Variants in PTPRT observed in about 807,000 individuals in gnomAD.
PTPRT encodes protein tyrosine phosphatase receptor type T, also known as receptor-type tyrosine-protein phosphatase T.
PTPRT carries 56 observed loss-of-function variants against 176.8 expected under a neutral mutation model. The ratio of observed to expected loss-of-function variants is 0.32; its 90% CI spans 0.26 to 0.40. PTPRT has a LOEUF of 0.40. PTPRT is among the 10% of genes least tolerant of loss of function. The pLI is 1.00. For missense variants in PTPRT, 1,540 were observed against 1,908.2 expected (o/e 0.81, Z 3.60); for synonymous variants, 783 against 739.0 (o/e 1.06, Z -0.96).
chr20:42,225,221 T>C (rs1443995974), intron 15 of PTPRT, among the ~76,000 whole-genome samples: 2 of 152,178 alleles, frequency 1.3e-5, no homozygotes, highest in Non-Finnish European at 2.9e-5. Context: ...ACTTAACCTA[T>C]ATCTGCTAGT....
At chr20:42,270,361 T>C in intron 13 of PTPRT, 1 of 1,503,504 alleles carries the variant, frequency 6.7e-7, no homozygotes, top group Middle Eastern at 2.3e-4. Context: ...TGTGGGCAAC[T>C]CTCCCCTCCC....
Position 42,282,657 on chromosome 20 carries a change from GC to G in PTPRT, c.2140-133del, listed in dbSNP as rs139292103. On this transcript the variant is annotated intron_variant, in intron 12 of 30. Transcript: ENST00000373187. ...TATTTTTAATTATAATTTTAAATTT[GC>G]CCTTTCCATTTTTTTCCCCATCGGA... is the stretch of plus-strand genomic sequence containing the variant. The G allele has an allele frequency of 5.2e-3, 3,838 of 731,438 alleles. 121 individuals are homozygous for G. The African/African-American group carries it at 0.063, about 12-fold the overall frequency. 45.3% of individuals were successfully genotyped at this position (731,438 alleles called of 1,614,324 possible).
At chr20:42,739,079 A>C (rs2076573059) in intron 6 of PTPRT, among the ~76,000 whole-genome samples, 1 of 152,126 alleles carries the variant, frequency 6.6e-6, no homozygotes, top group Non-Finnish European at 1.5e-5. Context: ...ACAACAACAA[A>C]AACAAAATGG....
chr20:42,132,823 T>A (rs1332760965), intron 18 of PTPRT, among the ~76,000 whole-genome samples: 2 of 152,238 alleles, frequency 1.3e-5, no homozygotes, highest in African/African-American at 4.8e-5. Context: ...TCTTGGTATT[T>A]ACCCAAATGA....
intron 6 of PTPRT, among the ~76,000 whole-genome samples, chr20:42,718,186 C>T (rs2076253909): frequency 6.6e-6 from 1 of 152,214 alleles, no homozygotes; most frequent in South Asian, 2.1e-4. Context: ...ACTCAGATGT[C>T]TGTAAGCAGT....
At chr20:42,732,225 G>A (rs2076472453) in intron 6 of PTPRT, among the ~76,000 whole-genome samples, 1 of 152,114 alleles carries the variant, frequency 6.6e-6, no homozygotes, top group Non-Finnish European at 1.5e-5. Context: ...GTGTTTGATA[G>A]CCATAAGTGG....
At chr20:42,459,225 AATG>A (rs1157077102) in intron 8 of PTPRT, among the ~76,000 whole-genome samples, 1 of 152,154 alleles carries the variant, frequency 6.6e-6, no homozygotes, top group Non-Finnish European at 1.5e-5. Flanking sequence ...ATGTGAAGAG[AATG>A]ATAACTGAAT....
At chr20:42,831,867 C>CA (rs1325247846) in intron 2 of PTPRT, among the ~76,000 whole-genome samples, 1 of 151,992 alleles carries the variant, frequency 6.6e-6, no homozygotes, top group Non-Finnish European at 1.5e-5. Flanking sequence ...TATTAAAAGT[C>CA]AAAAAAATAA....
intron 17 of PTPRT, among the ~76,000 whole-genome samples, chr20:42,156,108 G>A (rs6030013): frequency 7.9e-5 from 12 of 152,252 alleles, no homozygotes; most frequent in African/African-American, 2.6e-4. Flanking sequence ...TGCCTGGAAC[G>A]CCCTTCCCTT....
At chr20:42,685,335 C>G (rs573953198) in intron 6 of PTPRT, 14 of 152,234 alleles carry the variant, frequency 9.2e-5, no homozygotes, top group African/African-American at 2.9e-4. Context: ...ATCATGACCT[C>G]TAGCATAGGG....
the PTPRT span, among the ~76,000 whole-genome samples, chr20:42,050,618 T>C: frequency 6.6e-6 from 1 of 152,222 alleles, no homozygotes; most frequent in African/African-American, 2.4e-5. Flanking sequence ...AGCAGCCTGG[T>C]GAATATTCCT....
chr20:42,876,284 A>C (rs990498167), intron 2 of PTPRT, among the ~76,000 whole-genome samples: 1 of 152,226 alleles, frequency 6.6e-6, no homozygotes, highest in African/African-American at 2.4e-5. Flanking sequence ...CAATAATAAT[A>C]TCAGGTGTGA....
intron 1 of PTPRT, among the ~76,000 whole-genome samples, chr20:42,919,849 T>C (rs949395643): frequency 2.6e-5 from 4 of 152,208 alleles, no homozygotes; most frequent in Admixed American, 6.5e-5. Context: ...GTAGTGTGCA[T>C]GAGATTTATT....
At chr20:42,432,797 C>T (rs1471853372) in intron 9 of PTPRT, among the ~76,000 whole-genome samples, 1 of 152,166 alleles carries the variant, frequency 6.6e-6, no homozygotes, top group Admixed American at 6.5e-5. Context: ...CATATAAGCC[C>T]TCACTTCAGG....
At chr20:42,176,529 C>G (rs1250405472) in intron 16 of PTPRT, among the ~76,000 whole-genome samples, 2 of 152,030 alleles carry the variant, frequency 1.3e-5, no homozygotes, top group Non-Finnish European at 2.9e-5. Flanking sequence ...AACAACTGGC[C>G]CAGAATTTTG....
intron 18 of PTPRT, among the ~76,000 whole-genome samples, chr20:42,130,458 C>A (rs561218001): frequency 6.6e-6 from 1 of 152,294 alleles, no homozygotes; most frequent in South Asian, 2.1e-4. Flanking sequence ...TTCTCCCTTT[C>A]TCCTTCTCTC....
chr20:42,589,703 C>T (rs967371584), intron 7 of PTPRT, among the ~76,000 whole-genome samples: 1 of 152,146 alleles, frequency 6.6e-6, no homozygotes, highest in African/African-American at 2.4e-5. Context: ...CGACTTCACA[C>T]CCAGCTAGGC....
In PTPRT at chr20:42,080,823, A is replaced by G; in HGVS notation, c.*56T>C. On this transcript the variant is annotated 3_prime_UTR_variant, in exon 31 of 31. Coordinates refer to ENST00000373187, the MANE Select transcript of PTPRT (RefSeq NM_007050.6). The stretch of plus-strand genomic sequence containing the variant: ...AGCCCAGTTACTGCCATTCACACAA[A>G]AGGGGGCTTGGTCACAGCAGCCTCT... The G allele has an allele frequency of 6.5e-7, 1 of 1,535,478 alleles. No homozygotes were observed.
At chr20:43,090,473 T>A (rs1320842460) in intron 1 of PTPRT, among the ~76,000 whole-genome samples, 1 of 152,144 alleles carries the variant, frequency 6.6e-6, no homozygotes, top group Non-Finnish European at 1.5e-5. Flanking sequence ...TTTCACCGTT[T>A]TAGCCAGGAT....
Sources: gnomAD v4.1 joint callset for allele counts (sites outside exome capture counted in the v4.1 genomes callset) on GRCh38, gnomAD v4.1.1 for gene constraint, MANE v1.5 for transcripts, NCBI Gene and HGNC (gene_info 2026-07-23, HGNC 2026-07-21) for gene names.